The following CACNA1D variants were observed in gnomAD, a reference collection of about 807,000 sequenced individuals.
CACNA1D encodes the protein calcium voltage-gated channel subunit alpha1 D.
Under a neutral mutation model 257.1 loss-of-function variants are expected in CACNA1D, and 55 were observed. That is an observed-to-expected ratio of 0.21 (90% CI 0.17 to 0.27). CACNA1D has a LOEUF of 0.27. Among genes scored for constraint, CACNA1D ranks in the 10% least tolerant of loss-of-function variants. CACNA1D has a pLI of 1.00. For missense variants in CACNA1D, 1,876 were observed against 2,784.0 expected, an observed-to-expected ratio of 0.67 and a Z score of 7.34; for synonymous variants, 980 against 1,014.9, an observed-to-expected ratio of 0.97 and a Z score of 0.65.
chr3:53,786,810 C>T lies in CACNA1D; in HGVS notation c.4793-12C>T, dbSNP rs1255385190. The stretch of plus-strand genomic sequence containing the variant: ...CTGATTCGGGAGAGCTCTGTCTGGT[C>T]TCTCCGTTTAGATGATGAGGTAACC... On this transcript the variant is annotated splice_polypyrimidine_tract_variant and intron_variant, in intron 39 of 47. Coordinates refer to ENST00000350061, the MANE Select transcript of CACNA1D (RefSeq NM_001128840.3). 1.4e-6 allele frequency: 2 copies of T among 1,461,820 alleles called. No individual in the cohort carries two copies. Among genetic ancestry groups the T allele is most frequent in the Non-Finnish European group, 1.8e-6 (2 of 1,084,310 alleles). The allele number at this position is 1,461,820 out of a possible 1,614,324, so 90.6% of individuals were successfully genotyped here.
rs144043430 is a variant in CACNA1D, at chr3:53,702,777, G to A, written c.1357G>A (p.Glu453Lys). 1.2e-6 allele frequency: 2 copies of A among 1,614,118 alleles called. No individual in the cohort carries two copies. The highest frequency in any genetic ancestry group is 1.7e-6 in the Non-Finnish European group (2 of 1,180,056). Residue 453 changes from glutamate (E) to lysine (K), a missense_variant, in exon 9 of 48, where the codon GAG becomes AAG. Around this residue, in one of 10 missense-constraint regions of CACNA1D, gnomAD observed 257 missense variants for 399.7 expected, o/e 0.64. Transcript: ENST00000350061. ...TQAEDIDPENEEEGGEEGKRN... is the reference protein window; with the variant it reads ...TQAEDIDPENKEEGGEEGKRN... ...AGCTGAGGACATCGATCCGGAGAAT[G>A]AGGAAGAAGGAGGAGAGGAAGGCAA... is the stretch of plus-strand genomic sequence containing the variant.
At position 53,745,822 on chromosome 3, in the gene CACNA1D, G is replaced by A; in HGVS notation, c.3115-1G>A. The A allele has an allele frequency of 6.2e-7, 1 of 1,613,572 alleles. No individual in the cohort carries two copies. The highest frequency in any genetic ancestry group is 8.5e-7 in the Non-Finnish European group (1 of 1,179,466). ...TAACTGCCTGTCTATTTTATACCCAGGGGAAGTTCTATCGCTGTACGGATG... is the reference window on the plus strand; with the variant it reads ...TAACTGCCTGTCTATTTTATACCCAAGGGAAGTTCTATCGCTGTACGGATG... On this transcript the variant is annotated splice_acceptor_variant, in intron 24 of 47. Transcript: ENST00000350061. LOFTEE classifies it high-confidence loss of function.
chr3:53,513,097 G>T (rs183789407), intron 3 of CACNA1D, among the ~76,000 whole-genome samples: 208 of 152,274 alleles, frequency 1.4e-3, no homozygotes, highest in African/African-American at 4.5e-3. Flanking sequence ...TGGTTAGCTT[G>T]CCCTGTCTTT....
chr3:53,745,325 C>T (rs999519734), intron 23 of CACNA1D, among the ~76,000 whole-genome samples: 7 of 151,600 alleles, frequency 4.6e-5, no homozygotes, highest in African/African-American at 1.7e-4. Flanking sequence ...ACTACAACCT[C>T]TGCCTCCTGG....
chr3:53,684,399 A>G (rs2094456678), intron 8 of CACNA1D, among the ~76,000 whole-genome samples: 1 of 152,172 alleles, frequency 6.6e-6, no homozygotes, highest in Non-Finnish European at 1.5e-5. Context: ...AGGCAGGCAG[A>G]TCACCTGAGG....
At chr3:53,650,979 G>A (rs187796549) in intron 4 of CACNA1D, 61 bp downstream of exon 4, 13 of 1,427,522 alleles carry the variant, frequency 9.1e-6, no homozygotes, top group Non-Finnish European at 1.3e-5. Context: ...AGGTTGGGGG[G>A]GGTGGTGGTA....
At chr3:53,578,785 A>G (rs961441240) in intron 3 of CACNA1D, among the ~76,000 whole-genome samples, 4 of 152,118 alleles carry the variant, frequency 2.6e-5, no homozygotes, top group Admixed American at 1.3e-4. Flanking sequence ...ATGCTATGGT[A>G]TTGTCTTCTT....
intron 3 of CACNA1D, among the ~76,000 whole-genome samples, chr3:53,605,154 C>G (rs764126773): frequency 6.6e-6 from 1 of 152,212 alleles, no homozygotes; most frequent in Non-Finnish European, 1.5e-5. Context: ...GACATTCACA[C>G]ACTGCATAGC....
At chr3:53,780,213 T>A in intron 38 of CACNA1D, 85 bp downstream of exon 38, 1 of 1,121,976 alleles carries the variant, frequency 8.9e-7, no homozygotes, top group Non-Finnish European at 1.4e-6. Flanking sequence ...CTGGGCCTTT[T>A]CTTGGCCAAG....
chr3:53,597,456 T>C (rs947489708), intron 3 of CACNA1D, among the ~76,000 whole-genome samples: 13 of 152,200 alleles, frequency 8.5e-5, no homozygotes, highest in African/African-American at 2.2e-4. Flanking sequence ...TCTGTTGGAA[T>C]CCAGAGGCCT....
At chr3:53,658,678 T>A (rs1000461650) in intron 4 of CACNA1D, among the ~76,000 whole-genome samples, 6 of 152,242 alleles carry the variant, frequency 3.9e-5, no homozygotes, top group Non-Finnish European at 7.3e-5. Context: ...TGAATTTGTT[T>A]TGGAGGAGAG....
At chr3:53,506,189 T>C (rs1485647519) in intron 3 of CACNA1D, among the ~76,000 whole-genome samples, 1 of 152,224 alleles carries the variant, frequency 6.6e-6, no homozygotes, top group Non-Finnish European at 1.5e-5. Flanking sequence ...GCCTAGGTTC[T>C]GTCTATTCTT....
At chr3:53,638,173 G>A (rs2108176058) in intron 3 of CACNA1D, among the ~76,000 whole-genome samples, 1 of 152,316 alleles carries the variant, frequency 6.6e-6, no homozygotes, top group African/African-American at 2.4e-5. Flanking sequence ...TGGAGTTGGG[G>A]TAAGATTGGG....
chr3:53,731,832 C>G (rs2094995988), intron 17 of CACNA1D, among the ~76,000 whole-genome samples, 184 bp from the exon 18 acceptor site: 1 of 152,242 alleles, frequency 6.6e-6, no homozygotes. Context: ...CTCACCTGCC[C>G]TCAGGCCTTC....
chr3:53,506,151 T>C (rs1191895796), intron 3 of CACNA1D, among the ~76,000 whole-genome samples: 1 of 152,214 alleles, frequency 6.6e-6, no homozygotes, highest in African/African-American at 2.4e-5. Flanking sequence ...TGTCATTCTG[T>C]TGGAATTGAA....
intron 3 of CACNA1D, among the ~76,000 whole-genome samples, chr3:53,644,995 C>T (rs893412966): frequency 2.6e-5 from 4 of 152,190 alleles, no homozygotes; most frequent in African/African-American, 9.7e-5. Context: ...TATCACTTGT[C>T]TTTTTGACAA....
intron 4 of CACNA1D, among the ~76,000 whole-genome samples, chr3:53,655,711 A>G (rs1358120046): frequency 6.6e-6 from 1 of 151,624 alleles, no homozygotes; most frequent in African/African-American, 2.4e-5. Context: ...TGGATATTAG[A>G]CCTTTGTCTC....
At chr3:53,810,628 T>G (rs2095592850) in intron 47 of CACNA1D, 1 of 375,828 alleles carries the variant, frequency 2.7e-6, no homozygotes, top group Admixed American at 3.8e-5. Context: ...CGTGGTGGTG[T>G]ATGCCTGTAA....
rs571826591 is a variant in CACNA1D at position 53,725,484 on chromosome 3, G to A, written c.2101-1395G>A. Among the ~76,000 whole-genome samples the A allele has an allele frequency of 7.9e-5, 12 of 152,258 alleles. 1 individual carries two copies. The South Asian group carries it at 1.9e-3, about 24-fold the overall frequency. ...GGGATAAACTCCCAGAGATGGAATT[G>A]CTGCTTTAGAGGGTGTGTCCATTTT... On this transcript the variant is annotated intron_variant, in intron 14 of 47. Transcript: ENST00000350061.
Sources: gnomAD v4.1 joint callset for allele counts (sites outside exome capture counted in the v4.1 genomes callset) on GRCh38, gnomAD v4.1.1 for gene constraint, gnomAD v4.1.1 regional missense constraint, MANE v1.5 for transcripts, NCBI Gene and HGNC (gene_info 2026-07-23, HGNC 2026-07-21) for gene names.